The following ANKZF1 variants were observed in gnomAD, a reference collection of about 807,000 sequenced individuals.
ANKZF1 encodes tRNA endonuclease ANKZF1.
Under a neutral mutation model 86.0 loss-of-function variants are expected in ANKZF1, and 84 were observed. The observed-to-expected ratio is 0.98, with a 90% confidence interval of 0.82 to 1.17. ANKZF1 has a LOEUF of 1.17. ANKZF1 is among the 50% of genes most tolerant of loss of function. ANKZF1 has a pLI of 0.00. For synonymous variants in ANKZF1, 331 were observed against 354.2 expected (o/e 0.93, Z 0.74); for missense variants, 893 against 918.4 (o/e 0.97, Z 0.36).
In ANKZF1 at chr2:219,235,115, G is replaced by T. The variant is rs1951166446; in HGVS notation, c.1494G>T (p.Leu498=). ...GTCAGCCAGAGCTCTGGAATGCACT[G>T]CTTGCTGCTTGCCGAGCTGGAGATG... ...APGQPELWNA[L]LAACRAGDVG... is the part of the protein sequence containing the mutation. The change falls in exon 10 of 14, where the codon CTG becomes CTT. Residue 498 remains leucine, a synonymous_variant. Transcript: ENST00000323348. The T allele has an allele frequency of 6.2e-7, 1 of 1,614,114 alleles. No individual in the cohort carries two copies. Among genetic ancestry groups the T allele is most frequent in the Non-Finnish European group, 8.5e-7 (1 of 1,180,054 alleles).
intron 9 of ANKZF1, 87 bp from the exon 10 acceptor site, chr2:219,234,739 T>C (rs926970880): frequency 7.2e-5 from 108 of 1,492,048 alleles, no homozygotes; most frequent in Non-Finnish European, 9.3e-5. Flanking sequence ...ATAAAAACAA[T>C]TTCATTTCAG....
At chr2:219,234,501 G>A (rs1184457567) in intron 9 of ANKZF1, 4 of 691,818 alleles carry the variant, frequency 5.8e-6, no homozygotes, top group Non-Finnish European at 9.8e-6. Context: ...ATCTTTGTGT[G>A]GAGCAGATGC....
At chr2:219,233,454 C>A (rs373005639) in intron 7 of ANKZF1, 21 bp downstream of exon 7, 5 of 1,582,078 alleles carry the variant, frequency 3.2e-6, no homozygotes, top group South Asian at 1.2e-5. Flanking sequence ...CCTTTTAGAT[C>A]TGGTGGTACT....
At position 219,235,241 on chromosome 2, in the gene ANKZF1, T is replaced by TGCAGCA. The variant is rs1951171313; in HGVS notation, c.1623_1628dup (p.Ala544_Ala545dup). Reference sequence around the variant, plus strand: ...GCTCCGGTGGCTTTACTCTCCTGCATGCAGCAGCTGCAGCTGGAAGAGGCT... The same window carrying TGCAGCA: ...GCTCCGGTGGCTTTACTCTCCTGCATGCAGCAGCAGCAGCTGCAGCTGGAAGAGGCT... On this transcript the variant is annotated inframe_insertion, in exon 10 of 14. Transcript: ENST00000323348. The TGCAGCA allele has an allele frequency of 6.2e-7, 1 of 1,612,958 alleles. No individual in the cohort carries two copies. The highest frequency in any genetic ancestry group is 1.1e-5 in the South Asian group (1 of 91,096).
Position 219,235,587 on chromosome 2 carries a change from T to A in ANKZF1, c.1803+2T>A. 1 of 1,613,778 alleles carries A rather than the reference T, an allele frequency of 6.2e-7. No individual in the cohort carries two copies. Among genetic ancestry groups the A allele is most frequent in the East Asian group, 2.2e-5 (1 of 44,852 alleles). ...GCCTACGATTACAACAAGGCTCAGG[T>A]CATCTGGAATAGGAAGGACAAGCAG... On this transcript the variant is annotated splice_donor_variant, in intron 11 of 13. Coordinates refer to ENST00000323348, the MANE Select transcript of ANKZF1 (RefSeq NM_018089.3). LOFTEE classifies it high-confidence loss of function.
chr2:219,235,488 G>A lies in ANKZF1; in HGVS notation c.1706G>A (p.Arg569Gln), dbSNP rs757617410. ...TTTGCACCTAGGGACTCTCGGGCCC[G>A]GCCACCTTATACTGTTGCGGCTGAC... is the stretch of plus-strand genomic sequence containing the variant. Reference protein sequence around the residue: ...ADPTVQDSRARPPYTVAADKS... With the variant: ...ADPTVQDSRAQPPYTVAADKS... The change falls in exon 11 of 14, where the codon CGG becomes CAG. Residue 569 changes from arginine to glutamine, a missense_variant. Coordinates refer to ENST00000323348, the MANE Select transcript of ANKZF1 (RefSeq NM_018089.3). 9 of 1,613,822 alleles carry A rather than the reference G, an allele frequency of 5.6e-6. No homozygotes were observed. Among genetic ancestry groups the A allele is most frequent in the East Asian group, 2.2e-5 (1 of 44,884 alleles).
rs1951122439 is a variant in ANKZF1 at position 219,233,856 on chromosome 2, C to T, written c.961C>T (p.Leu321Phe). Residue 321 changes from leucine (L) to phenylalanine (F), a missense_variant, in exon 8 of 14, where the codon CTT becomes TTT. By Grantham distance (22) the Leu-to-Phe change is conservative. Coordinates refer to ENST00000323348, the MANE Select transcript of ANKZF1 (RefSeq NM_018089.3). ...GAPLQRGDPR[L>F]WDIPLATRRP... is the part of the protein sequence containing the mutation. ...ACCCCTGCAAAGGGGGGATCCCCGACTTTGGGATATCCCCCTCGCCACCCG... is the reference window on the plus strand; with the variant it reads ...ACCCCTGCAAAGGGGGGATCCCCGATTTTGGGATATCCCCCTCGCCACCCG... 1 of 1,613,220 alleles carries T rather than the reference C, an allele frequency of 6.2e-7. No individual in the cohort carries two copies. The highest frequency in any genetic ancestry group is 1.3e-5 in the African/African-American group (1 of 75,006).
rs1951122512 is a variant in ANKZF1 at position 219,233,861 on chromosome 2, G to A, written c.966G>A (p.Trp322Ter). Residue 322 changes from tryptophan to a stop codon, truncating the protein, a stop_gained, in exon 8 of 14, where the codon TGG (tryptophan) becomes TGA (stop). Coordinates refer to ENST00000323348, the MANE Select transcript of ANKZF1 (RefSeq NM_018089.3). LOFTEE classifies it high-confidence loss of function. ...TGCAAAGGGGGGATCCCCGACTTTG[G>A]GATATCCCCCTCGCCACCCGCAGAC... ...APLQRGDPRL[W>*]DIPLATRRPT... The A allele has an allele frequency of 2.5e-6, 4 of 1,612,708 alleles. No homozygotes were observed. The highest frequency in any genetic ancestry group is 3.4e-6 in the Non-Finnish European group (4 of 1,179,508).
intron 10 of ANKZF1, 62 bp downstream of exon 10, chr2:219,235,374 GTTGGCA>G: frequency 6.3e-7 from 1 of 1,595,986 alleles, no homozygotes; most frequent in Non-Finnish European, 8.6e-7. Context: ...GGAGGTTAAA[GTTGGCA>G]TTGGCTACTT....
intron 8 of ANKZF1, 51 bp downstream of exon 8, chr2:219,233,994 A>C (rs374894567): frequency 6.5e-7 from 1 of 1,530,528 alleles, no homozygotes; most frequent in Non-Finnish European, 8.8e-7. Context: ...GTTCTCTCCA[A>C]CCTAAGCCTC....
At position 219,232,700 on chromosome 2, in the gene ANKZF1, G is replaced by A. The variant is rs368635738; in HGVS notation, c.558+17G>A. 1.0e-4 allele frequency: 166 copies of A among 1,608,436 alleles called. No homozygotes were observed. The African/African-American group carries it at 2.1e-3, about 20-fold the overall frequency. ...CCTCATCAGGCAAGTGACAGTACAG[G>A]TTGCATGGCTAACCCCAGCCTTTTG... On this transcript the variant is annotated intron_variant, in intron 5 of 13. Transcript: ENST00000323348.
chr2:219,232,514 C>T lies in ANKZF1; in HGVS notation c.389C>T (p.Ser130Leu), dbSNP rs1951073359. ...GGAGATCTTTCCAGCATCTCGGGAT[C>T]AGAAGACTCAGACTCAGCCAGTGAG... ...STGDLSSISGSEDSDSASEED... is the reference protein window; with the variant it reads ...STGDLSSISGLEDSDSASEED... The change falls in exon 5 of 14, where the codon TCA becomes TTA. Residue 130 changes from serine (S) to leucine (L), a missense_variant. Physicochemically the swap from Ser to Leu is moderately radical, Grantham distance 145. Transcript: ENST00000323348. The T allele has an allele frequency of 1.9e-6, 3 of 1,614,170 alleles. No homozygotes were observed. Among genetic ancestry groups the T allele is most frequent in the Non-Finnish European group, 2.5e-6 (3 of 1,180,024 alleles).
intron 9 of ANKZF1, 95 bp from the exon 10 acceptor site, chr2:219,234,730 TA>T: frequency 4.7e-6 from 7 of 1,477,494 alleles, no homozygotes; most frequent in Non-Finnish European, 4.5e-6. Flanking sequence ...GGTGACAAAA[TA>T]AAAACAATTT....
In ANKZF1 at chr2:219,235,762, GAGC is replaced by G. The variant is rs1559259146; in HGVS notation, c.1861_1863del (p.Gln621del). The stretch of plus-strand genomic sequence containing the variant: ...GGCACGGCAGGCTACACGGAAAAGG[GAGC>G]AGAAGGCAGCCCGGCGGCAACGGGA... On this transcript the variant is annotated inframe_deletion, in exon 12 of 14. Coordinates refer to ENST00000323348, the MANE Select transcript of ANKZF1 (RefSeq NM_018089.3). 16 of 1,614,082 alleles carry G rather than the reference GAGC, an allele frequency of 9.9e-6. No individual in the cohort carries two copies. The highest frequency in any genetic ancestry group is 1.4e-5 in the Non-Finnish European group (16 of 1,180,046).
chr2:219,231,923 T>C lies in ANKZF1; in HGVS notation c.149-5T>C, dbSNP rs1951049392. The C allele has an allele frequency of 6.2e-7, 1 of 1,611,590 alleles. No individual in the cohort carries two copies. On this transcript the variant is annotated splice_polypyrimidine_tract_variant and splice_region_variant and intron_variant, in intron 2 of 13. Transcript: ENST00000323348. ...TCTATGTCCAATTCCTCTTCCCTTA[T>C]TTAGGCTCAGGGGAGAGAGAAAGCC... is the stretch of plus-strand genomic sequence containing the variant.
chr2:219,229,971 G>A lies in ANKZF1; in HGVS notation c.-31+71G>A. The A allele has an allele frequency of 3.2e-6, 1 of 314,908 alleles. No individual in the cohort carries two copies. Among genetic ancestry groups the A allele is most frequent in the Non-Finnish European group, 5.9e-6 (1 of 169,584 alleles). 19.5% of individuals were successfully genotyped at this position (314,908 alleles called of 1,614,324 possible). A position where few individuals can be genotyped will look rare whatever the true frequency, so the allele number is the denominator to read the frequency against. ...GCTGGTCGCATGGGTAACGAAGAAA[G>A]TTCGGCTAGGCAAGCTCAGTGATTT... On this transcript the variant is annotated intron_variant, in intron 1 of 13. Transcript: ENST00000323348. This position sits in a 1 kb window ranked among gnomAD's most constrained non-coding sequence, Gnocchi z 4.2.
intron 2 of ANKZF1, chr2:219,230,638 C>G: frequency 2.4e-6 from 1 of 418,538 alleles, no homozygotes. Context: ...TTCAAAAACA[C>G]TTTAAACTTT....
At position 219,229,851 on chromosome 2, in the gene ANKZF1, C is replaced by A. The variant is rs914400168; in HGVS notation, c.-80C>A. The stretch of plus-strand genomic sequence containing the variant: ...ACGGGGATTGTTGTGTTGCAGAAAT[C>A]CGGCAATCGACCTGAGGACTTGCGA... On this transcript the variant is annotated 5_prime_UTR_variant, in exon 1 of 14. Transcript: ENST00000323348. The surrounding 1 kb of genome is among the most constrained non-coding windows in gnomAD (Gnocchi z 4.2). 1.1e-5 allele frequency: 2 copies of A among 174,758 alleles called. No homozygotes were observed. Among genetic ancestry groups the A allele is most frequent in the Non-Finnish European group, 2.5e-5 (2 of 80,728 alleles). The allele number at this position is 174,758 out of a possible 1,614,324, so 10.8% of individuals were successfully genotyped here.
rs1051659857 is a variant in ANKZF1, at chr2:219,230,470, A to G, written c.148+65A>G. On this transcript the variant is annotated intron_variant, in intron 2 of 13. Transcript: ENST00000323348. ...TTACAGCGTATTGCCCGTTCAGGGAACACATTCTTATTGGTATTCCCGAGC... is the reference window on the plus strand; with the variant it reads ...TTACAGCGTATTGCCCGTTCAGGGAGCACATTCTTATTGGTATTCCCGAGC... 2.3e-5 allele frequency: 35 copies of G among 1,519,424 alleles called. No individual in the cohort carries two copies. The South Asian group carries it at 3.4e-4, about 15-fold the overall frequency. The allele number at this position is 1,519,424 out of a possible 1,614,324, so 94.1% of individuals were successfully genotyped here.
Sources: allele counts gnomAD v4.1 joint callset, GRCh38; gene constraint gnomAD v4.1.1; non-coding constraint Gnocchi (gnomAD v3.1); transcripts MANE v1.5; gene names NCBI Gene and HGNC (gene_info 2026-07-23, HGNC 2026-07-21).